The following URB1 variants were observed in gnomAD, a reference collection of about 807,000 sequenced individuals.
The protein encoded by URB1 is URB1 ribosome biogenesis factor.
A neutral mutation model predicts 242.3 loss-of-function variants in URB1; 197 were observed. The observed-to-expected ratio is 0.81, with a 90% CI of 0.72 to 0.91. URB1 has a LOEUF of 0.91. Ranked by LOEUF, URB1 falls within the 40% of genes least tolerant of loss-of-function variation. The pLI is 0.00. For synonymous variants in URB1, 1,153 were observed against 1,201.8 expected (o/e 0.96, Z 0.84); for missense variants, 2,721 against 2,860.5 (o/e 0.95, Z 1.11).
intron 18 of URB1, 56 bp downstream of exon 18, chr21:32,353,877 C>T: frequency 6.5e-7 from 1 of 1,528,296 alleles, no homozygotes; most frequent in Non-Finnish European, 8.8e-7. Context: ...CACCTCCCAC[C>T]CTGCACAGAC....
chr21:32,347,528 G>T lies in URB1; in HGVS notation c.3296C>A (p.Pro1099Gln). 1 of 1,551,390 alleles carries T rather than the reference G, an allele frequency of 6.4e-7. No homozygotes were observed. The highest frequency in any genetic ancestry group is 8.7e-7 in the Non-Finnish European group (1 of 1,146,860). ...GGCCTCCAGCTGCGGCGGGGTCTTT[G>T]GTGGTGATGTGGCCGGGCCCGCCCT... is the stretch of plus-strand genomic sequence containing the variant. ...NRRAGPATSP[P>Q]KTPPQLEALQ... The change falls in exon 22 of 39, where the codon CCA (proline) becomes CAA (glutamine). Residue 1099 changes from proline to glutamine, a missense_variant. By Grantham distance (76) the Pro-to-Gln change is moderately conservative. Coordinates refer to ENST00000382751, the MANE Select transcript of URB1 (RefSeq NM_014825.3).
intron 4 of URB1, among the ~76,000 whole-genome samples, chr21:32,381,098 C>A (rs533604302): frequency 1.3e-5 from 2 of 152,352 alleles, no homozygotes; most frequent in East Asian, 3.9e-4. Context: ...CTAGGCTCTG[C>A]CACTGTCGTG....
chr21:32,365,233 C>T (rs1302964277), intron 10 of URB1, among the ~76,000 whole-genome samples: 1 of 152,120 alleles, frequency 6.6e-6, no homozygotes, highest in Non-Finnish European at 1.5e-5. Flanking sequence ...CTGCATGAGG[C>T]CAGGAGTTTG....
chr21:32,355,146 T>C (rs2033204804), intron 16 of URB1, 149 bp from the exon 17 acceptor site: 1 of 1,141,638 alleles, frequency 8.8e-7, no homozygotes, highest in Non-Finnish European at 1.2e-6. Context: ...GGCCTAAACT[T>C]TTTATTGTGG....
rs1242247346 is a variant in URB1 at position 32,344,670 on chromosome 21, C to G, written c.4157G>C (p.Cys1386Ser). 6.4e-7 allele frequency: 1 copy of G among 1,552,390 alleles called. No homozygotes were observed. The highest frequency in any genetic ancestry group is 2.4e-5 in the East Asian group (1 of 40,924). The change falls in exon 24 of 39, where the codon TGT (cysteine) becomes TCT (serine). Residue 1386 changes from cysteine to serine, a missense_variant. By Grantham distance (112) the Cys-to-Ser change is moderately radical. Coordinates refer to ENST00000382751, the MANE Select transcript of URB1 (RefSeq NM_014825.3). ...CAWRRTLLES[C>S]VKWLIVSFSG... ...GAAAGACACGATCAGCCACTTCACA[C>G]AGGACTCCAAAAGGGTCCTTCTCCA...
At chr21:32,380,261 C>T (rs2033508748) in intron 4 of URB1, among the ~76,000 whole-genome samples, 1 of 152,162 alleles carries the variant, frequency 6.6e-6, no homozygotes, top group South Asian at 2.1e-4. Context: ...AACCCATGCT[C>T]CCTAATATGT....
rs1369525171 is a variant in URB1 at position 32,314,465 on chromosome 21, G to GT, written c.*452dup. The GT allele has an allele frequency of 7.8e-7, 1 of 1,278,782 alleles. No individual in the cohort carries two copies. Among genetic ancestry groups the GT allele is most frequent in the Non-Finnish European group, 1.1e-6 (1 of 880,224 alleles). The allele number at this position is 1,278,782 out of a possible 1,614,324, so 79.2% of individuals were successfully genotyped here. On this transcript the variant is annotated 3_prime_UTR_variant, in exon 39 of 39. Coordinates refer to ENST00000382751, the MANE Select transcript of URB1 (RefSeq NM_014825.3). Reference sequence around the variant, plus strand: ...CTCCCAAAGTGCTGGGATTATAGGCGTGAGCCACCTCACCTGCTGAAAAAT... The same window carrying GT: ...CTCCCAAAGTGCTGGGATTATAGGCGTTGAGCCACCTCACCTGCTGAAAAAT...
intron 9 of URB1, among the ~76,000 whole-genome samples, chr21:32,367,032 A>C (rs1004490937): frequency 1.3e-5 from 2 of 152,170 alleles, no homozygotes; most frequent in Non-Finnish European, 2.9e-5. Context: ...CAAATAAATC[A>C]CTGCCAGAAC....
chr21:32,341,556 A>C (rs748232537), intron 24 of URB1, 32 bp from the exon 25 acceptor site: 1 of 1,545,220 alleles, frequency 6.5e-7, no homozygotes, highest in South Asian at 1.2e-5. Context: ...AAAACACATG[A>C]AACATCTCAG....
rs2033202359 is a variant in URB1, at chr21:32,354,938, G to C, written c.2166C>G (p.Val722=). 6.4e-7 allele frequency: 1 copy of C among 1,552,290 alleles called. No individual in the cohort carries two copies. The highest frequency in any genetic ancestry group is 8.7e-7 in the Non-Finnish European group (1 of 1,147,140). ...YSYTDKASDF[V]QEASMLQATM... is the part of the protein sequence containing the mutation. ...TGGCCTGCAGCATGCTTGCTTCTTG[G>C]ACAAAGTCAGATGCTTTGTCTGTGT... The change falls in exon 17 of 39, where the codon GTC becomes GTG. Residue 722 remains valine (V), a synonymous_variant. Transcript: ENST00000382751.
At position 32,311,559 on chromosome 21, in the gene URB1, G is replaced by C; in HGVS notation, c.*3359C>G. On this transcript the variant is annotated 3_prime_UTR_variant, in exon 39 of 39. Transcript: ENST00000382751. ...GCTGGCTGACCCTTCTCAGGAATTT[G>C]CCTGTGTGGCCTTCCCTATGGGGTC... 7.2e-7 allele frequency: 1 copy of C among 1,381,276 alleles called. No individual in the cohort carries two copies. Among genetic ancestry groups the C allele is most frequent in the Non-Finnish European group, 9.8e-7 (1 of 1,021,560 alleles). The allele number at this position is 1,381,276 out of a possible 1,614,324, so 85.6% of individuals were successfully genotyped here.
chr21:32,384,203 G>C (rs1601159610), intron 3 of URB1, 110 bp downstream of exon 3: 1 of 1,334,786 alleles, frequency 7.5e-7, no homozygotes, highest in Admixed American at 2.7e-5. Context: ...CTCGGAAATA[G>C]CTCAGCTCTC....
At chr21:32,362,696 C>T (rs9975578) in intron 11 of URB1, among the ~76,000 whole-genome samples, 19,265 of 152,122 alleles carry the variant, frequency 0.13, 1,477 homozygotes, top group African/African-American at 0.21. Context: ...GAGCAGCCGG[C>T]CAGTTTACAG....
chr21:32,367,731 T>C (rs1476427672), intron 9 of URB1, among the ~76,000 whole-genome samples: 1 of 152,226 alleles, frequency 6.6e-6, no homozygotes, highest in Non-Finnish European at 1.5e-5. Flanking sequence ...CTTTAAAAAC[T>C]ATCCTACAAG....
Position 32,311,418 on chromosome 21 carries a change from C to T in URB1, c.*3500G>A, listed in dbSNP as rs73901394. On this transcript the variant is annotated 3_prime_UTR_variant, in exon 39 of 39. Transcript: ENST00000382751. ...AACCTGCTCCCCTCCACCCCCCACC[C>T]CCCCCATCCTAAATCAATGTAGGAA... 781 of 299,118 alleles carry T rather than the reference C, an allele frequency of 2.6e-3. 11 individuals are homozygous for T. Among genetic ancestry groups the T allele is most frequent in the African/African-American group, 0.016 (726 of 46,046 alleles). The allele number at this position is 299,118 out of a possible 1,614,324, so 18.5% of individuals were successfully genotyped here. A position where few individuals can be genotyped will look rare whatever the true frequency, so the allele number is the denominator to read the frequency against.
chr21:32,382,437 C>T (rs2146053188), intron 4 of URB1, among the ~76,000 whole-genome samples: 3 of 152,196 alleles, frequency 2.0e-5, no homozygotes, highest in Admixed American at 2.0e-4. Context: ...TCCAGTAAAA[C>T]CCTCAACACC....
At chr21:32,342,020 G>C (rs1244143251) in intron 24 of URB1, among the ~76,000 whole-genome samples, 1 of 145,424 alleles carries the variant, frequency 6.9e-6, no homozygotes, top group Non-Finnish European at 1.5e-5. Context: ...CAATCCACAA[G>C]AGCATGAAGG....
At chr21:32,361,195 G>GAAAGAAAGAAAGAAAGAAAC in intron 12 of URB1, 72 bp from the exon 13 acceptor site, 2 of 904,016 alleles carry the variant, frequency 2.2e-6, no homozygotes, top group Non-Finnish European at 1.6e-6. Context: ...AAGAAAGAAA[G>GAAAGAAAGAAAGAAAGAAAC]AAAGAAAGAA....
chr21:32,320,773 C>CA (rs2123543984), intron 34 of URB1, 133 bp from the exon 35 acceptor site: 1 of 684,562 alleles, frequency 1.5e-6, no homozygotes, highest in East Asian at 2.8e-5. Flanking sequence ...TTTGCTAAGT[C>CA]CGTCAGAGCG....
Sources: gnomAD v4.1 joint callset for allele counts (sites outside exome capture counted in the v4.1 genomes callset) on GRCh38, gnomAD v4.1.1 for gene constraint, MANE v1.5 for transcripts, NCBI Gene and HGNC (gene_info 2026-07-23, HGNC 2026-07-21) for gene names.